IGSF11: variants seen among roughly 807,000 people sequenced by gnomAD.
The protein encoded by IGSF11 is immunoglobulin superfamily member 11.
A neutral mutation model predicts 41.0 loss-of-function variants in IGSF11; 22 were observed. That is an observed-to-expected ratio of 0.54 (90% CI 0.38 to 0.77). IGSF11 has a LOEUF of 0.77. Ranked by LOEUF, IGSF11 falls within the 30% of genes least tolerant of loss-of-function variation. The probability of loss-of-function intolerance (pLI) is 0.00; values close to 1 mark genes in which losing one functional copy is unlikely to be tolerated. For synonymous variants in IGSF11, 219 were observed against 201.3 expected (o/e 1.09, Z -0.74); for missense variants, 444 against 530.8 (o/e 0.84, Z 1.61).
Position 118,926,084 on chromosome 3 carries a change from A to G in IGSF11, c.580+17T>C. ...CCATGATAACTAATAAAATGGGTAA[A>G]GCAGCACTGTACATACCCTGAGTAG... On this transcript the variant is annotated intron_variant, in intron 4 of 6. Coordinates refer to ENST00000393775, the MANE Select transcript of IGSF11 (RefSeq NM_001015887.3). The G allele has an allele frequency of 6.7e-7, 1 of 1,501,622 alleles. No homozygotes were observed. 93.0% of individuals were successfully genotyped at this position (1,501,622 alleles called of 1,614,324 possible). A position where few individuals can be genotyped will look rare whatever the true frequency, so the allele number is the denominator to read the frequency against.
chr3:119,069,057 G>A (rs892004008), intron 1 of IGSF11, among the ~76,000 whole-genome samples: 4 of 151,632 alleles, frequency 2.6e-5, no homozygotes, highest in African/African-American at 9.7e-5. Context: ...CTCCCGAGTA[G>A]CTGGGACTAC....
At chr3:119,047,255 T>G (rs1941397292) in intron 1 of IGSF11, among the ~76,000 whole-genome samples, 1 of 151,928 alleles carries the variant, frequency 6.6e-6, no homozygotes, top group Non-Finnish European at 1.5e-5. Context: ...GAAACCCATC[T>G]CATGTGCAGA....
chr3:119,048,529 C>A (rs1430569771), intron 1 of IGSF11, among the ~76,000 whole-genome samples: 2 of 152,072 alleles, frequency 1.3e-5, no homozygotes, highest in African/African-American at 4.8e-5. Flanking sequence ...AAAAAGAGTC[C>A]AAGACCAGAT....
chr3:118,959,182 G>GT (rs1274229150), intron 1 of IGSF11, among the ~76,000 whole-genome samples: 1 of 152,172 alleles, frequency 6.6e-6, no homozygotes, highest in East Asian at 1.9e-4. Context: ...GTGTAGAAGA[G>GT]TTTTCTTTAG....
At chr3:118,907,834 T>C (rs1488258248) in intron 4 of IGSF11, among the ~76,000 whole-genome samples, 1 of 152,222 alleles carries the variant, frequency 6.6e-6, no homozygotes, top group Admixed American at 6.5e-5. Context: ...CTTGGCACTC[T>C]AGTAAGGCAT....
At chr3:118,974,086 C>T (rs1310949498) in intron 1 of IGSF11, among the ~76,000 whole-genome samples, 13 of 151,220 alleles carry the variant, frequency 8.6e-5, no homozygotes, top group African/African-American at 2.9e-4. Context: ...ACATCCTGCA[C>T]GTGTATCCCA....
At chr3:119,075,926 G>T (rs996504294) in intron 1 of IGSF11, among the ~76,000 whole-genome samples, 1 of 152,152 alleles carries the variant, frequency 6.6e-6, no homozygotes, top group East Asian at 1.9e-4. Flanking sequence ...AGTTCATATG[G>T]AACCTAAAAA....
chr3:118,910,384 C>T (rs1559877578), intron 4 of IGSF11, among the ~76,000 whole-genome samples: 1 of 152,162 alleles, frequency 6.6e-6, no homozygotes, highest in East Asian at 1.9e-4. Flanking sequence ...GTTTAAACAT[C>T]TAATCGAGCC....
chr3:119,103,404 C>T (rs1307942277), intron 1 of IGSF11, among the ~76,000 whole-genome samples: 1 of 151,130 alleles, frequency 6.6e-6, no homozygotes, highest in East Asian at 1.9e-4. Context: ...TATACTTATA[C>T]AAATCCTGTG....
intron 1 of IGSF11, among the ~76,000 whole-genome samples, chr3:119,069,148 C>T (rs1051312298): frequency 2.6e-5 from 4 of 151,900 alleles, no homozygotes; most frequent in African/African-American, 9.7e-5. Context: ...AAGATGGTCT[C>T]GATCTCCTGA....
intron 4 of IGSF11, among the ~76,000 whole-genome samples, chr3:118,920,585 T>G (rs778140758): frequency 1.3e-4 from 19 of 151,708 alleles, no homozygotes; most frequent in Non-Finnish European, 2.4e-4. Context: ...CCACTGCATC[T>G]TTTAATTTTA....
intron 6 of IGSF11, among the ~76,000 whole-genome samples, chr3:118,903,381 T>C (rs1444014527): frequency 2.0e-5 from 3 of 152,016 alleles, no homozygotes; most frequent in African/African-American, 7.2e-5. Flanking sequence ...ATATAGTAAA[T>C]ATTTATTCAC....
intron 1 of IGSF11, among the ~76,000 whole-genome samples, chr3:118,932,027 C>A: frequency 6.6e-6 from 1 of 152,138 alleles, no homozygotes; most frequent in Non-Finnish European, 1.5e-5. Flanking sequence ...GCCACCGCAC[C>A]TGGCCAAAAG....
upstream of IGSF11, among the ~76,000 whole-genome samples, chr3:119,036,372 C>T (rs994192332): frequency 1.3e-5 from 2 of 152,022 alleles, no homozygotes; most frequent in Non-Finnish European, 2.9e-5. Flanking sequence ...TTTTTCCATC[C>T]AATTCAATCC....
At chr3:119,115,776 A>G (rs1028992767) in intron 1 of IGSF11, among the ~76,000 whole-genome samples, 6 of 152,170 alleles carry the variant, frequency 3.9e-5, no homozygotes, top group African/African-American at 1.4e-4. Flanking sequence ...CCAAAAATAG[A>G]GAAATCTTAA....
At position 118,938,922 on chromosome 3, in the gene IGSF11, T is replaced by C. The variant is rs112366580; in HGVS notation, c.53-8647A>G. On this transcript the variant is annotated intron_variant, in intron 1 of 6. Coordinates refer to ENST00000393775, the MANE Select transcript of IGSF11 (RefSeq NM_001015887.3). ...CTGTGTATGCACCTCACAACAGAGC[T>C]TCAAAGTACAAGAAGGAAACACTGA... 8.5e-3 allele frequency among the ~76,000 whole-genome samples: 1,291 copies of C among 152,188 alleles called. 24 individuals are homozygous for C. The highest frequency in any genetic ancestry group is 0.03 in the African/African-American group (1,236 of 41,524).
At chr3:119,004,366 A>T (rs1427481907) in intron 1 of IGSF11, among the ~76,000 whole-genome samples, 1 of 150,424 alleles carries the variant, frequency 6.6e-6, no homozygotes, top group Non-Finnish European at 1.5e-5. Flanking sequence ...TTTCTTTATT[A>T]GTCTTGCTAG....
At chr3:119,028,941 G>A (rs1240565228) in intron 1 of IGSF11, among the ~76,000 whole-genome samples, 1 of 152,012 alleles carries the variant, frequency 6.6e-6, no homozygotes, top group Non-Finnish European at 1.5e-5. Flanking sequence ...TTTGGGGATG[G>A]TAACGTCAGG....
chr3:119,073,961 C>T (rs927636651), intron 1 of IGSF11, among the ~76,000 whole-genome samples: 1 of 152,252 alleles, frequency 6.6e-6, no homozygotes, highest in African/African-American at 2.4e-5. Flanking sequence ...GCTGTCACCT[C>T]TCAAGGTCAT....
Sources: allele counts gnomAD v4.1 joint callset (sites outside exome capture counted in the v4.1 genomes callset), GRCh38; gene constraint gnomAD v4.1.1; transcripts MANE v1.5; gene names NCBI Gene and HGNC (gene_info 2026-07-23, HGNC 2026-07-21).